DNAH8: variants seen among roughly 807,000 people sequenced by gnomAD.
The protein encoded by DNAH8 is axonemal beta dynein heavy chain 8.
In DNAH8, 382 loss-of-function variants were observed where a neutral mutation model predicts 562.1. That is an observed-to-expected ratio of 0.68 (90% CI 0.63 to 0.74). The LOEUF (loss-of-function observed/expected upper bound fraction) is 0.74. Ranked by LOEUF, DNAH8 falls within the 30% of genes least tolerant of loss-of-function variation. The pLI, the probability that DNAH8 is intolerant of heterozygous loss-of-function variation, is 0.00. For missense variants in DNAH8, 5,203 were observed against 5,620.4 expected, an observed-to-expected ratio of 0.93 and a Z score of 2.37; for synonymous variants, 1,881 against 1,919.4, an observed-to-expected ratio of 0.98 and a Z score of 0.52.
chr6:38,730,702 G>A (rs962158379), intron 4 of DNAH8, among the ~76,000 whole-genome samples: 1 of 152,186 alleles, frequency 6.6e-6, no homozygotes, highest in Non-Finnish European at 1.5e-5. Flanking sequence ...CTGTTTATTG[G>A]ATTGGGTCCA....
chr6:38,824,610 T>C (rs1380941351), intron 28 of DNAH8, among the ~76,000 whole-genome samples: 1 of 152,186 alleles, frequency 6.6e-6, no homozygotes, highest in Non-Finnish European at 1.5e-5. Context: ...CCACCTTAAG[T>C]AGATTTTCAG....
chr6:38,939,065 T>C (rs2150595830), intron 79 of DNAH8, 77 bp downstream of exon 79: 1 of 1,119,742 alleles, frequency 8.9e-7, no homozygotes. Context: ...CATAAACCCA[T>C]TTCTGTGATA....
At chr6:38,982,028 C>T (rs567760442) in intron 85 of DNAH8, among the ~76,000 whole-genome samples, 2 of 152,280 alleles carry the variant, frequency 1.3e-5, no homozygotes, top group Admixed American at 1.3e-4. Context: ...AGTATTCAGT[C>T]CCGTAACATG....
chr6:38,866,954 C>T lies in DNAH8; in HGVS notation c.6693+78C>T. On this transcript the variant is annotated intron_variant, in intron 47 of 92. Transcript: ENST00000327475. ...TTGTAATTTTCCCTTGATAAATACT[C>T]ATCAGTGAGTTAAAATCTCATTGAC... 4 of 750,096 alleles carry T rather than the reference C, an allele frequency of 5.3e-6. No individual in the cohort carries two copies. The South Asian group carries it at 7.0e-5, about 13-fold the overall frequency. 46.5% of individuals were successfully genotyped at this position (750,096 alleles called of 1,614,324 possible). A position where few individuals can be genotyped will look rare whatever the true frequency, so the allele number is the denominator to read the frequency against.
intron 87 of DNAH8, among the ~76,000 whole-genome samples, chr6:38,986,377 C>T (rs1392118539): frequency 2.0e-5 from 3 of 152,020 alleles, no homozygotes; most frequent in Admixed American, 1.3e-4. Flanking sequence ...GGAATATATG[C>T]ATAGTTCACA....
intron 10 of DNAH8, among the ~76,000 whole-genome samples, chr6:38,760,405 C>T (rs1766373137): frequency 6.6e-6 from 1 of 152,010 alleles, no homozygotes; most frequent in African/African-American, 2.4e-5. Flanking sequence ...GTTTTATTCT[C>T]CCAGGAAGCT....
At chr6:38,970,014 A>T (rs1763229441) in intron 82 of DNAH8, among the ~76,000 whole-genome samples, 3 of 152,104 alleles carry the variant, frequency 2.0e-5, no homozygotes, top group African/African-American at 7.2e-5. Flanking sequence ...ATAAAAGCAG[A>T]GTTGGGAAAT....
At position 38,938,205 on chromosome 6, in the gene DNAH8, T is replaced by C. The variant is rs1333657754; in HGVS notation, c.11795T>C (p.Leu3932Ser). 2.5e-6 allele frequency: 4 copies of C among 1,613,006 alleles called. No individual in the cohort carries two copies. Among genetic ancestry groups the C allele is most frequent in the Non-Finnish European group, 3.4e-6 (4 of 1,179,610 alleles). ...ACGTCATTGGCCCAGTTCTTGAAGTTATTTGACCAGTCCATGGCCAGGTGA... is the reference window on the plus strand; with the variant it reads ...ACGTCATTGGCCCAGTTCTTGAAGTCATTTGACCAGTCCATGGCCAGGTGA... Reference protein sequence around the residue: ...YQTSLAQFLKLFDQSMARSEK... With the variant: ...YQTSLAQFLKSFDQSMARSEK... Residue 3932 changes from leucine to serine, a missense_variant, in exon 78 of 93, where the codon TTA becomes TCA. Leu to Ser is a moderately radical substitution (Grantham distance 145). Coordinates refer to ENST00000327475, the MANE Select transcript of DNAH8 (RefSeq NM_001206927.2).
At chr6:38,867,586 T>TAA (rs1777137304) in intron 47 of DNAH8, among the ~76,000 whole-genome samples, 1 of 110,534 alleles carries the variant, frequency 9.0e-6, no homozygotes, top group African/African-American at 3.2e-5. Flanking sequence ...CTACTAAAAA[T>TAA]ACAAAAAAAA....
At chr6:39,005,634 A>G (rs1237676696) in intron 88 of DNAH8, among the ~76,000 whole-genome samples, 1 of 152,112 alleles carries the variant, frequency 6.6e-6, no homozygotes, top group Non-Finnish European at 1.5e-5. Context: ...ACCCATCTGT[A>G]TTTCTTCTTT....
intron 3 of DNAH8, among the ~76,000 whole-genome samples, chr6:38,724,594 C>G (rs1167578511): frequency 3.9e-5 from 6 of 152,082 alleles, no homozygotes; most frequent in Admixed American, 3.9e-4. Context: ...CTGGATTATA[C>G]CTATTTTCCT....
At position 38,755,998 on chromosome 6, in the gene DNAH8, T is replaced by G; in HGVS notation, c.1434T>G (p.Asn478Lys). The change falls in exon 10 of 93, where the codon AAT becomes AAG. Residue 478 changes from asparagine to lysine, a missense_variant. Asn to Lys is a moderately conservative substitution (Grantham distance 94). Coordinates refer to ENST00000327475, the MANE Select transcript of DNAH8 (RefSeq NM_001206927.2). ...DLVSMAHGIQ[N>K]LINAIRMIHG... ...TTTCCATGGCACATGGAATACAAAA[T>G]TTGATTAATGCCATCAGAATGATTC... 1 of 1,609,254 alleles carries G rather than the reference T, an allele frequency of 6.2e-7. No individual in the cohort carries two copies. Among genetic ancestry groups the G allele is most frequent in the Non-Finnish European group, 8.5e-7 (1 of 1,175,982 alleles).
Position 38,723,970 on chromosome 6 carries a change from TTTAATTAATTAA to T in DNAH8, c.525+522_525+533del, listed in dbSNP as rs68148878. Among the ~76,000 whole-genome samples the T allele has an allele frequency of 9.8e-5, 14 of 142,300 alleles. No individual in the cohort carries two copies. The South Asian group carries it at 1.3e-3, about 13-fold the overall frequency. 93.4% of individuals were successfully genotyped at this position (142,300 alleles called of 152,430 possible). ...CAGTTGAATGGTATTTCTTTTTAAA[TTTAATTAATTAA>T]TTAATTAATTAATTAATTAATTTTT... On this transcript the variant is annotated intron_variant, in intron 3 of 92. Coordinates refer to ENST00000327475, the MANE Select transcript of DNAH8 (RefSeq NM_001206927.2).
chr6:38,882,964 G>C lies in DNAH8; in HGVS notation c.7913G>C (p.Ser2638Thr), dbSNP rs1445064881. The C allele has an allele frequency of 1.2e-6, 2 of 1,605,884 alleles. No homozygotes were observed. The highest frequency in any genetic ancestry group is 4.5e-5 in the East Asian group (2 of 44,458). ...CAGCCTTATTATTATCCAACTGACA[G>C]TATTCCGGAATATTCATCAATTTTG... ...KLQPYYYPTD[S>T]IPEYSSILVP... Residue 2638 changes from serine (S) to threonine (T), a missense_variant, in exon 54 of 93, where the codon AGT becomes ACT. Transcript: ENST00000327475.
At chr6:38,920,384 TAAGA>T (rs1417634339) in intron 70 of DNAH8, among the ~76,000 whole-genome samples, 1 of 151,626 alleles carries the variant, frequency 6.6e-6, no homozygotes, top group African/African-American at 2.4e-5. Flanking sequence ...AGAATGAAAA[TAAGA>T]AAGGGATCAA....
chr6:38,906,498 AT>A, intron 63 of DNAH8, 91 bp downstream of exon 63: 1 of 1,058,166 alleles, frequency 9.5e-7, no homozygotes, highest in Non-Finnish European at 1.3e-6. Context: ...AAATGAGGCT[AT>A]TTAGTACATT....
chr6:38,872,793 A>G lies in DNAH8; in HGVS notation c.7237+11A>G. 6.2e-7 allele frequency: 1 copy of G among 1,613,156 alleles called. No homozygotes were observed. The highest frequency in any genetic ancestry group is 1.1e-5 in the South Asian group (1 of 91,044). On this transcript the variant is annotated intron_variant, in intron 50 of 92. Transcript: ENST00000327475. ...TAAAAGCTAAAAAAGGTATACACAA[A>G]CCTCCTTTGTGATCATTTTTTCCCT... is the stretch of plus-strand genomic sequence containing the variant.
chr6:38,837,364 T>C (rs916445913), intron 32 of DNAH8, among the ~76,000 whole-genome samples: 3 of 152,254 alleles, frequency 2.0e-5, no homozygotes, highest in African/African-American at 7.2e-5. Flanking sequence ...GCATTTGTGC[T>C]TTGAACATTG....
intron 9 of DNAH8, among the ~76,000 whole-genome samples, chr6:38,751,493 A>C (rs1379141348): frequency 2.0e-5 from 3 of 152,126 alleles, no homozygotes; most frequent in Non-Finnish European, 4.4e-5. Context: ...ATCAAGGTAG[A>C]TATTTCCCCA....
Sources: gnomAD v4.1 joint callset for allele counts (sites outside exome capture counted in the v4.1 genomes callset) on GRCh38, gnomAD v4.1.1 for gene constraint, MANE v1.5 for transcripts, NCBI Gene and HGNC (gene_info 2026-07-23, HGNC 2026-07-21) for gene names.